Variants in APBA1 observed in about 807,000 individuals in gnomAD.
APBA1 encodes the protein amyloid beta precursor protein binding family A member 1, also known as amyloid-beta A4 precursor protein-binding family A member 1.
A neutral mutation model predicts 86.6 loss-of-function variants in APBA1; 55 were observed. That is an observed-to-expected ratio of 0.64 (90% CI 0.51 to 0.80). The LOEUF (loss-of-function observed/expected upper bound fraction) is 0.80, where lower values mean the gene tolerates loss of function less well. Ranked by LOEUF, APBA1 falls within the 30% of genes least tolerant of loss-of-function variation. The pLI is 0.00. For missense variants in APBA1, 1,090 were observed against 1,183.0 expected (o/e 0.92, Z 1.15); for synonymous variants, 511 against 493.9 (o/e 1.03, Z -0.46).
chr9:69,492,713 A>C (rs1835733726), intron 2 of APBA1, among the ~76,000 whole-genome samples: 3 of 152,106 alleles, frequency 2.0e-5, no homozygotes, highest in Admixed American at 2.0e-4. Flanking sequence ...TAAGAGAATC[A>C]GGGCATACGT....
intron 1 of APBA1, among the ~76,000 whole-genome samples, chr9:69,632,120 C>T (rs898255674): frequency 6.6e-6 from 1 of 151,304 alleles, no homozygotes; most frequent in African/African-American, 2.4e-5. Flanking sequence ...CTGAATAACA[C>T]AGGAAAGAAA....
At chr9:69,552,907 CTT>C (rs34026305) in intron 1 of APBA1, among the ~76,000 whole-genome samples, 1,499 of 135,500 alleles carry the variant, frequency 0.011, 22 homozygotes, top group African/African-American at 0.037. Flanking sequence ...CTTTCTTGGG[CTT>C]TTTTTTTTTT....
At chr9:69,448,460 A>G (rs1288675773) in intron 10 of APBA1, among the ~76,000 whole-genome samples, 1 of 152,270 alleles carries the variant, frequency 6.6e-6, no homozygotes, top group African/African-American at 2.4e-5. Flanking sequence ...AAAGAAATTA[A>G]AGGAGGCCAA....
At chr9:69,605,810 G>A (rs779851434) in intron 1 of APBA1, among the ~76,000 whole-genome samples, 3 of 152,212 alleles carry the variant, frequency 2.0e-5, no homozygotes, top group Admixed American at 6.5e-5. Context: ...CTAGTTACAA[G>A]TTCCATGAGG....
In APBA1 at chr9:69,465,715, G is replaced by A. The variant is rs1835267071; in HGVS notation, c.1482+2108C>T. 2.0e-5 allele frequency among the ~76,000 whole-genome samples: 3 copies of A among 152,210 alleles called. No individual in the cohort carries two copies. The South Asian group carries it at 6.2e-4, about 32-fold the overall frequency. On this transcript the variant is annotated intron_variant, in intron 5 of 12. Coordinates refer to ENST00000265381, the MANE Select transcript of APBA1 (RefSeq NM_001163.4). ...AAGGTCAGACTGTCTCCACGGAGTT[G>A]TCCTGTTGGGAGCCATGGGGCAAGA...
intron 2 of APBA1, among the ~76,000 whole-genome samples, chr9:69,506,005 C>G (rs569810096): frequency 6.8e-6 from 1 of 148,112 alleles, no homozygotes; most frequent in East Asian, 2.0e-4. Flanking sequence ...GGCAACAGAG[C>G]AAGACTCCAT....
At chr9:69,435,746 G>T (rs1262116033) in intron 11 of APBA1, among the ~76,000 whole-genome samples, 3 of 152,198 alleles carry the variant, frequency 2.0e-5, no homozygotes, top group Admixed American at 6.5e-5. Flanking sequence ...TAGGTTGCCT[G>T]TTCACTCCGA....
chr9:69,498,378 CCT>C (rs1374405227), intron 2 of APBA1, among the ~76,000 whole-genome samples: 2 of 152,060 alleles, frequency 1.3e-5, no homozygotes, highest in African/African-American at 4.8e-5. Flanking sequence ...CACCTGACCC[CCT>C]GATGGCAGCC....
intron 1 of APBA1, among the ~76,000 whole-genome samples, chr9:69,635,423 A>C (rs1431814469): frequency 6.6e-6 from 1 of 152,166 alleles, no homozygotes; most frequent in Non-Finnish European, 1.5e-5. Flanking sequence ...CCTTCACTAA[A>C]AGGAAGATAG....
chr9:69,582,108 T>A (rs2133957398), intron 1 of APBA1, among the ~76,000 whole-genome samples: 1 of 152,346 alleles, frequency 6.6e-6, no homozygotes, highest in East Asian at 1.9e-4. Flanking sequence ...TTACACAATT[T>A]ACAATTATTT....
intron 1 of APBA1, among the ~76,000 whole-genome samples, chr9:69,635,298 T>A (rs1823133802): frequency 6.6e-6 from 1 of 152,168 alleles, no homozygotes; most frequent in Non-Finnish European, 1.5e-5. Context: ...TTGTGATCAG[T>A]TTAAAATAAT....
intron 3 of APBA1, among the ~76,000 whole-genome samples, chr9:69,475,128 C>T (rs959123379): frequency 3.3e-5 from 5 of 152,070 alleles, no homozygotes; most frequent in South Asian, 2.1e-4. Context: ...ACCCTGGGTA[C>T]GGGGGAAGGC....
chr9:69,475,907 A>T, intron 3 of APBA1, 141 bp downstream of exon 3: 1 of 705,462 alleles, frequency 1.4e-6, no homozygotes, highest in Non-Finnish European at 2.5e-6. Context: ...TGAACTGCAC[A>T]CTGGAGAGGA....
At chr9:69,613,239 G>A (rs1822625490) in intron 1 of APBA1, among the ~76,000 whole-genome samples, 1 of 152,082 alleles carries the variant, frequency 6.6e-6, no homozygotes, top group Non-Finnish European at 1.5e-5. Context: ...CTGAAGTACT[G>A]ATCTGCTCTT....
rs758573421 is a variant in APBA1, at chr9:69,431,313, G to GC, written c.*13dup. The GC allele has an allele frequency of 6.3e-7, 1 of 1,588,572 alleles. No homozygotes were observed. Among genetic ancestry groups the GC allele is most frequent in the Non-Finnish European group, 8.6e-7 (1 of 1,168,620 alleles). On this transcript the variant is annotated 3_prime_UTR_variant, in exon 13 of 13. Transcript: ENST00000265381. ...AGGAGAGTCCTCCATGCATGCCACC[G>GC]CGTGTGGCCGCGGTCAGATGTAAAC...
intron 4 of APBA1, among the ~76,000 whole-genome samples, chr9:69,470,306 T>C (rs1483746634): frequency 6.6e-6 from 1 of 152,204 alleles, no homozygotes; most frequent in African/African-American, 2.4e-5. Context: ...GTCAGAGAAT[T>C]GCAGGTTTTC....
intron 10 of APBA1, among the ~76,000 whole-genome samples, chr9:69,444,133 C>T (rs911371272): frequency 6.6e-6 from 1 of 152,186 alleles, no homozygotes; most frequent in Non-Finnish European, 1.5e-5. Context: ...ACTTGAGCCT[C>T]CCCATGGCTG....
rs181041235 is a variant in APBA1 at position 69,437,126 on chromosome 9, C to T, written c.2301+3870G>A. 2.5e-3 allele frequency among the ~76,000 whole-genome samples: 374 copies of T among 151,930 alleles called. 10 individuals are homozygous for T. The highest frequency in any genetic ancestry group is 8.5e-3 in the African/African-American group (349 of 41,258). On this transcript the variant is annotated intron_variant, in intron 11 of 12. Transcript: ENST00000265381. ...CCAGCCTTGCATCCCAGGGATGAAGCCCACTTGATCATGGTGGATAAGCTT... is the reference window on the plus strand; with the variant it reads ...CCAGCCTTGCATCCCAGGGATGAAGTCCACTTGATCATGGTGGATAAGCTT...
intron 2 of APBA1, among the ~76,000 whole-genome samples, chr9:69,512,484 T>G (rs1220174734): frequency 6.6e-6 from 1 of 152,234 alleles, no homozygotes; most frequent in Non-Finnish European, 1.5e-5. Flanking sequence ...TGCTTCATTA[T>G]AGTTTGTGAT....
Sources: gnomAD v4.1 joint callset for allele counts (sites outside exome capture counted in the v4.1 genomes callset) on GRCh38, gnomAD v4.1.1 for gene constraint, MANE v1.5 for transcripts, NCBI Gene and HGNC (gene_info 2026-07-23, HGNC 2026-07-21) for gene names.